ABCC9: variants seen among roughly 807,000 people sequenced by gnomAD.
The protein encoded by ABCC9 is ATP-binding cassette sub-family C member 9.
Under a neutral mutation model 188.3 loss-of-function variants are expected in ABCC9, and 95 were observed. That is an observed-to-expected ratio of 0.50 (90% CI 0.43 to 0.60). The LOEUF (loss-of-function observed/expected upper bound fraction) is 0.60, where lower values mean the gene tolerates loss of function less well. ABCC9 is among the 20% of genes least tolerant of loss of function. ABCC9 has a pLI of 0.00. For synonymous variants in ABCC9, 659 were observed against 652.7 expected, an observed-to-expected ratio of 1.01 and a Z score of -0.15; for missense variants, 1,102 against 1,876.3, an observed-to-expected ratio of 0.59 and a Z score of 7.62.
chr12:21,847,948 C>T (rs1316843492), intron 25 of ABCC9, among the ~76,000 whole-genome samples: 1 of 152,138 alleles, frequency 6.6e-6, no homozygotes, highest in Non-Finnish European at 1.5e-5. Flanking sequence ...AAGACATATT[C>T]TGTGGAGGCC....
chr12:21,817,066 T>C (rs1443739393), intron 33 of ABCC9, 121 bp downstream of exon 33: 7 of 1,112,326 alleles, frequency 6.3e-6, no homozygotes, highest in African/African-American at 1.6e-5. Context: ...AGCCAAGATA[T>C]GAGAGAGTTT....
At chr12:21,853,385 A>T in intron 22 of ABCC9, among the ~76,000 whole-genome samples, 1 of 152,094 alleles carries the variant, frequency 6.6e-6, no homozygotes, top group East Asian at 1.9e-4. Context: ...CTTAATGGGG[A>T]TATTTTCAGA....
At chr12:21,808,129 T>C (rs922593786) in intron 37 of ABCC9, among the ~76,000 whole-genome samples, 4 of 152,172 alleles carry the variant, frequency 2.6e-5, no homozygotes, top group African/African-American at 9.6e-5. Context: ...ATGTCTTTTT[T>C]ATTAGAATTC....
chr12:21,872,139 C>A (rs978546092), intron 18 of ABCC9, among the ~76,000 whole-genome samples: 5 of 152,184 alleles, frequency 3.3e-5, no homozygotes, highest in Non-Finnish European at 5.9e-5. Context: ...ATATCTCCAA[C>A]TAGACGCTTC....
intron 24 of ABCC9, among the ~76,000 whole-genome samples, chr12:21,850,476 G>C (rs1592066247): frequency 6.6e-6 from 1 of 152,010 alleles, no homozygotes; most frequent in East Asian, 1.9e-4. Context: ...ATTCTACCTT[G>C]TAACTGGATT....
At chr12:21,923,287 T>C (rs929210414) in intron 5 of ABCC9, 2 of 151,432 alleles carry the variant, frequency 1.3e-5, no homozygotes, top group Non-Finnish European at 3.0e-5. Context: ...AAATGATAAA[T>C]TATACTACAT....
intron 22 of ABCC9, among the ~76,000 whole-genome samples, chr12:21,853,430 T>A (rs1458714661): frequency 6.6e-6 from 1 of 152,112 alleles, no homozygotes; most frequent in Non-Finnish European, 1.5e-5. Context: ...GTGCTTAGTA[T>A]GGTAGTGGGT....
chr12:21,846,911 A>G (rs1204838472), intron 25 of ABCC9, among the ~76,000 whole-genome samples: 1 of 152,060 alleles, frequency 6.6e-6, no homozygotes, highest in Non-Finnish European at 1.5e-5. Context: ...AGCCAATAAT[A>G]AGTAAACAGA....
chr12:21,810,808 A>G (rs1466703730), intron 36 of ABCC9, among the ~76,000 whole-genome samples: 2 of 152,184 alleles, frequency 1.3e-5, no homozygotes, highest in Non-Finnish European at 2.9e-5. Flanking sequence ...AAATTACTTG[A>G]CACATCCAGA....
intron 24 of ABCC9, among the ~76,000 whole-genome samples, chr12:21,849,267 A>G (rs936397390): frequency 2.0e-5 from 3 of 151,800 alleles, no homozygotes; most frequent in African/African-American, 4.8e-5. Context: ...ACCTTGGTTG[A>G]TTTTTTTTGG....
At chr12:21,876,402 C>T (rs544515336) in intron 16 of ABCC9, among the ~76,000 whole-genome samples, 1 of 152,234 alleles carries the variant, frequency 6.6e-6, no homozygotes, top group Admixed American at 6.5e-5. Flanking sequence ...ACAAATTATT[C>T]CAGCAAAATG....
intron 5 of ABCC9, chr12:21,925,616 T>G: frequency 3.0e-6 from 2 of 664,840 alleles, no homozygotes; most frequent in Middle Eastern, 3.3e-4. Flanking sequence ...TCACAAGAGC[T>G]CTGATTCTTA....
chr12:21,822,092 A>G (rs1229338261), intron 31 of ABCC9, among the ~76,000 whole-genome samples: 2 of 152,184 alleles, frequency 1.3e-5, no homozygotes, highest in Non-Finnish European at 2.9e-5. Flanking sequence ...AAAAATTTTC[A>G]GAAGAGGAAC....
intron 13 of ABCC9, 69 bp downstream of exon 13, chr12:21,895,206 T>C (rs926708871): frequency 1.1e-5 from 15 of 1,382,040 alleles, no homozygotes; most frequent in Middle Eastern, 1.8e-4. Flanking sequence ...TACCCACACA[T>C]TCTTGCTCAT....
At chr12:21,872,547 G>A (rs1946133335) in intron 18 of ABCC9, 78 bp downstream of exon 18, 2 of 1,140,554 alleles carry the variant, frequency 1.8e-6, no homozygotes, top group Non-Finnish European at 2.7e-6. Flanking sequence ...ACATGTAAAT[G>A]TATTTGTCTA....
intron 4 of ABCC9, among the ~76,000 whole-genome samples, chr12:21,933,518 G>A (rs902718177): frequency 2.6e-5 from 4 of 151,914 alleles, no homozygotes; most frequent in Non-Finnish European, 4.4e-5. Flanking sequence ...AAAATAAATG[G>A]AAAAATCTGA....
At chr12:21,802,489 T>C (rs1284799708) in intron 39 of ABCC9, among the ~76,000 whole-genome samples, 2 of 152,214 alleles carry the variant, frequency 1.3e-5, no homozygotes, top group Non-Finnish European at 2.9e-5. Flanking sequence ...TAACCCAATC[T>C]ATTCAGATGT....
chr12:21,895,362 A>C (rs1210774475), intron 12 of ABCC9, 47 bp from the exon 13 acceptor site: 1 of 1,500,568 alleles, frequency 6.7e-7, no homozygotes. Flanking sequence ...CTGTGAAAAC[A>C]TTTTCAGTAA....
chr12:21,915,695 G>A lies in ABCC9; in HGVS notation c.789C>T (p.Cys263=), dbSNP rs58386780. The A allele has an allele frequency of 2.5e-3, 4,050 of 1,611,134 alleles. 56 individuals are homozygous for A. The African/African-American group carries it at 0.035, about 14-fold the overall frequency. Residue 263 remains cysteine (C), a synonymous_variant, in exon 7 of 40, where the codon TGC becomes TGT. Transcript: ENST00000261200. ...IAMRAVTNYV[C]LKDAYEEQKK... ...TTTGTTCTTCATATGCATCTTTCAG[G>A]CAAACATAATTTGTTACTGCTCTCA...
Sources: allele counts gnomAD v4.1 joint callset (sites outside exome capture counted in the v4.1 genomes callset), GRCh38; gene constraint gnomAD v4.1.1; transcripts MANE v1.5; gene names NCBI Gene and HGNC (gene_info 2026-07-23, HGNC 2026-07-21).